Variants in ANKS1B observed in about 807,000 individuals in gnomAD.
The protein encoded by ANKS1B is ankyrin repeat and sterile alpha motif domain-containing protein 1B.
A neutral mutation model predicts 148.3 loss-of-function variants in ANKS1B; 36 were observed. The observed-to-expected ratio is 0.24, with a 90% confidence interval of 0.19 to 0.32. ANKS1B has a LOEUF of 0.32. Among genes scored for constraint, ANKS1B ranks in the 10% least tolerant of loss-of-function variants. The pLI is 1.00. For synonymous variants in ANKS1B, 542 were observed against 560.8 expected, an observed-to-expected ratio of 0.97 and a Z score of 0.47; for missense variants, 1,157 against 1,542.6, an observed-to-expected ratio of 0.75 and a Z score of 4.19.
intron 16 of ANKS1B, chr12:99,080,112 T>G (rs73386586): frequency 0.077 from 11,721 of 152,286 alleles, 1,088 homozygotes; most frequent in African/African-American, 0.22. Context: ...GGGCGACGGA[T>G]TTGAACTGGA....
intron 14 of ANKS1B, among the ~76,000 whole-genome samples, chr12:99,220,384 G>T (rs1020938196): frequency 2.0e-5 from 3 of 151,530 alleles, no homozygotes; most frequent in Non-Finnish European, 2.9e-5. Context: ...TAAAGGGAAT[G>T]CAGTAGAAAT....
chr12:99,098,676 A>T (rs2057047166), intron 15 of ANKS1B, among the ~76,000 whole-genome samples: 3 of 55,334 alleles, frequency 5.4e-5, no homozygotes, highest in Admixed American at 3.0e-4. Context: ...ATAGCACTGT[A>T]AATCTTCTAG....
intron 9 of ANKS1B, among the ~76,000 whole-genome samples, chr12:99,618,821 T>G (rs748453546): frequency 1.3e-5 from 2 of 152,104 alleles, no homozygotes; most frequent in Non-Finnish European, 2.9e-5. Context: ...AGCTTTTCTT[T>G]GTGACTCAGC....
At chr12:99,593,138 G>A (rs1164364375) in intron 9 of ANKS1B, among the ~76,000 whole-genome samples, 1 of 152,018 alleles carries the variant, frequency 6.6e-6, no homozygotes, top group African/African-American at 2.4e-5. Context: ...AGAGTATAAT[G>A]AGGCACGTCC....
In ANKS1B at chr12:99,929,306, T is replaced by C. The variant is rs1001283082; in HGVS notation, c.134+54798A>G. Among the ~76,000 whole-genome samples, 4 of 152,192 alleles carry C rather than the reference T, an allele frequency of 2.6e-5. No individual in the cohort carries two copies. In the East Asian group the frequency reaches 5.8e-4, roughly 22 times the overall value. On this transcript the variant is annotated intron_variant, in intron 1 of 26. Coordinates refer to ENST00000683438, the MANE Select transcript of ANKS1B (RefSeq NM_001352186.2). ...TGCATAAATGTCTTCTTTTGAGAAG[T>C]GTCTGTTCATATCCTTCGCCCACTT...
chr12:99,667,769 T>C (rs957721762), intron 8 of ANKS1B, among the ~76,000 whole-genome samples: 3 of 152,232 alleles, frequency 2.0e-5, no homozygotes, highest in South Asian at 2.1e-4. Context: ...GTTTGTATCA[T>C]GAATAGATGC....
chr12:98,749,359 G>A lies in ANKS1B; in HGVS notation c.3747+1996C>T, dbSNP rs1380302130. Among the ~76,000 whole-genome samples the A allele has an allele frequency of 2.0e-5, 3 of 151,864 alleles. No homozygotes were observed. The East Asian group carries it at 5.8e-4, about 29-fold the overall frequency. ...CCTGACCTCGTGATCTGCCCGCTTC[G>A]GACTCCCAAAGTGCTGGGATTACAG... On this transcript the variant is annotated intron_variant, in intron 26 of 26. Coordinates refer to ENST00000683438, the MANE Select transcript of ANKS1B (RefSeq NM_001352186.2).
intron 17 of ANKS1B, among the ~76,000 whole-genome samples, chr12:98,887,729 T>C (rs1369886122): frequency 6.6e-6 from 1 of 152,102 alleles, no homozygotes; most frequent in African/African-American, 2.4e-5. Context: ...TGCCTCAGCC[T>C]CCTGAGTAGT....
chr12:99,242,645 C>T (rs1317994711), intron 14 of ANKS1B, among the ~76,000 whole-genome samples: 6 of 152,176 alleles, frequency 3.9e-5, no homozygotes, highest in Non-Finnish European at 8.8e-5. Context: ...TCAAATTATT[C>T]TACAAGGCTA....
At chr12:98,786,393 G>C (rs2098795097) in intron 22 of ANKS1B, among the ~76,000 whole-genome samples, 1 of 152,090 alleles carries the variant, frequency 6.6e-6, no homozygotes, top group African/African-American at 2.4e-5. Context: ...CTGAAATATT[G>C]TTCTTAGTAA....
intron 8 of ANKS1B, among the ~76,000 whole-genome samples, chr12:99,698,327 C>A (rs995493790): frequency 2.0e-5 from 3 of 152,102 alleles, no homozygotes; most frequent in Admixed American, 2.0e-4. Context: ...CGCAAATAAA[C>A]CTTGAATTTC....
At chr12:99,686,116 G>A (rs1233215883) in intron 8 of ANKS1B, among the ~76,000 whole-genome samples, 1 of 152,058 alleles carries the variant, frequency 6.6e-6, no homozygotes, top group Non-Finnish European at 1.5e-5. Flanking sequence ...TTCCCAAAAA[G>A]CTATTGAAAT....
chr12:99,864,023 G>A (rs543465953), intron 1 of ANKS1B, among the ~76,000 whole-genome samples: 3 of 147,212 alleles, frequency 2.0e-5, no homozygotes, highest in Non-Finnish European at 4.5e-5. Flanking sequence ...GGAGGTTGCA[G>A]TGAGCCGAGA....
intron 12 of ANKS1B, among the ~76,000 whole-genome samples, chr12:99,391,716 T>G (rs2094078336): frequency 6.6e-6 from 1 of 152,212 alleles, no homozygotes. Flanking sequence ...ATTTTCATAA[T>G]TTTAAGTGCT....
intron 17 of ANKS1B, among the ~76,000 whole-genome samples, chr12:98,842,784 C>A (rs1008505524): frequency 2.0e-5 from 3 of 152,130 alleles, no homozygotes; most frequent in Admixed American, 1.3e-4. Context: ...GAAAATGTGA[C>A]CTGCAGGGTA....
chr12:99,581,419 G>C (rs371711397), intron 9 of ANKS1B, among the ~76,000 whole-genome samples: 1 of 152,100 alleles, frequency 6.6e-6, no homozygotes, highest in African/African-American at 2.4e-5. Flanking sequence ...ATGTAAAATA[G>C]ACTTAAATGT....
intron 1 of ANKS1B, among the ~76,000 whole-genome samples, chr12:99,830,904 T>C (rs1349948036): frequency 6.6e-6 from 1 of 152,108 alleles, no homozygotes; most frequent in Non-Finnish European, 1.5e-5. Flanking sequence ...GCCTAGAAAG[T>C]TTTTTCCTCA....
chr12:98,761,377 G>A (rs1483943959), intron 25 of ANKS1B, among the ~76,000 whole-genome samples: 4 of 152,116 alleles, frequency 2.6e-5, no homozygotes, highest in African/African-American at 7.2e-5. Context: ...TACTATTTTC[G>A]GAAGGGAAGG....
At chr12:99,310,824 C>A (rs1373468949) in intron 12 of ANKS1B, among the ~76,000 whole-genome samples, 2 of 152,132 alleles carry the variant, frequency 1.3e-5, no homozygotes, top group Non-Finnish European at 2.9e-5. Flanking sequence ...TTTGGAGAAT[C>A]CTGACTAATA....
Sources: allele counts gnomAD v4.1 joint callset (sites outside exome capture counted in the v4.1 genomes callset), GRCh38; gene constraint gnomAD v4.1.1; transcripts MANE v1.5; gene names NCBI Gene and HGNC (gene_info 2026-07-23, HGNC 2026-07-21).